Variants in RYK observed in about 807,000 individuals in gnomAD.
RYK encodes receptor like tyrosine kinase, also known as inactive tyrosine-protein kinase RYK.
RYK carries 21 observed loss-of-function variants against 70.2 expected under a neutral mutation model. The observed-to-expected ratio is 0.30, with a 90% CI of 0.21 to 0.43. The LOEUF (loss-of-function observed/expected upper bound fraction) is 0.43. Ranked by LOEUF, RYK falls within the 20% of genes least tolerant of loss-of-function variation. The pLI, the probability that RYK is intolerant of heterozygous loss-of-function variation, is 1.00. For missense variants in RYK, 604 were observed against 753.3 expected, an observed-to-expected ratio of 0.80 and a Z score of 2.32; for synonymous variants, 267 against 278.0, an observed-to-expected ratio of 0.96 and a Z score of 0.39.
chr3:134,221,815 C>T (rs2014747045), intron 2 of RYK, among the ~76,000 whole-genome samples: 2 of 152,122 alleles, frequency 1.3e-5, no homozygotes, highest in Admixed American at 1.3e-4. Flanking sequence ...GCTCAGCCTC[C>T]GACTCTTTGA....
At chr3:134,211,487 T>C (rs771027624) in intron 3 of RYK, 21 bp downstream of exon 3, 1 of 1,560,026 alleles carries the variant, frequency 6.4e-7, no homozygotes, top group South Asian at 1.1e-5. Context: ...GTTAACTCTG[T>C]CTTTGAAGAC....
At chr3:134,227,288 G>C (rs1011885340) in intron 1 of RYK, among the ~76,000 whole-genome samples, 1 of 152,062 alleles carries the variant, frequency 6.6e-6, no homozygotes, top group African/African-American at 2.4e-5. Flanking sequence ...TTAAAAAGTG[G>C]AGAGACATAC....
rs568431502 is a variant in RYK, at chr3:134,225,596, G to A, written c.233-3057C>T. Among the ~76,000 whole-genome samples the A allele has an allele frequency of 1.2e-3, 190 of 152,284 alleles. 1 individual carries two copies. The highest frequency in any genetic ancestry group is 1.7e-3 in the Non-Finnish European group (118 of 68,018). On this transcript the variant is annotated intron_variant, in intron 1 of 14. Transcript: ENST00000623711. ...AACAGTTGGGCATGGTGTTACACCT[G>A]TAATCCCAGCTCTTTGGGAGGCTGA... is the stretch of plus-strand genomic sequence containing the variant.
At chr3:134,171,832 A>ACTCC (rs907857056) in intron 13 of RYK, among the ~76,000 whole-genome samples, 4 of 151,090 alleles carry the variant, frequency 2.6e-5, no homozygotes, top group African/African-American at 9.8e-5. Context: ...GTACCACTGC[A>ACTCC]CTCCCACCTG....
intron 1 of RYK, among the ~76,000 whole-genome samples, chr3:134,248,620 C>A (rs1259171400): frequency 1.3e-5 from 2 of 152,174 alleles, no homozygotes; most frequent in East Asian, 3.9e-4. Flanking sequence ...AGTTCAAGAC[C>A]AGCCTGACCA....
intron 2 of RYK, among the ~76,000 whole-genome samples, chr3:134,218,486 A>G (rs2014628062): frequency 6.6e-6 from 1 of 152,228 alleles, no homozygotes; most frequent in Non-Finnish European, 1.5e-5. Flanking sequence ...ACACAGCTGG[A>G]GAAGAGGTGA....
At chr3:134,205,803 T>G (rs986545281) in intron 5 of RYK, among the ~76,000 whole-genome samples, 1 of 152,162 alleles carries the variant, frequency 6.6e-6, no homozygotes, top group Non-Finnish European at 1.5e-5. Flanking sequence ...ATTGCCTATA[T>G]TGCCTCGTCT....
At position 134,183,032 on chromosome 3, in the gene RYK, T is replaced by C; in HGVS notation, c.1142A>G (p.Glu381Gly). Reference protein sequence around the residue: ...SEIQVTMMLTESCKLRGLHHR... With the variant: ...SEIQVTMMLTGSCKLRGLHHR... Reference sequence around the variant, plus strand: ...ATGAAGACCTCGCAGCTTACAACTTTCAGTGAGCATCATTGTCACCTGAAT... The same window carrying C: ...ATGAAGACCTCGCAGCTTACAACTTCCAGTGAGCATCATTGTCACCTGAAT... The change falls in exon 10 of 15, where the codon GAA (glutamate) becomes GGA (glycine). Residue 381 changes from glutamate (E) to glycine (G), a missense_variant. By Grantham distance (98) the Glu-to-Gly change is moderately conservative. This residue lies in a region of RYK where 466 missense variants were observed against 535.9 expected (regional missense o/e 0.87). Transcript: ENST00000623711. 1 of 1,592,130 alleles carries C rather than the reference T, an allele frequency of 6.3e-7. No individual in the cohort carries two copies. The highest frequency in any genetic ancestry group is 8.6e-7 in the Non-Finnish European group (1 of 1,167,998).
rs76600482 is a variant in RYK, at chr3:134,160,502, A to G, written c.1576-1129T>C. The stretch of plus-strand genomic sequence containing the variant: ...ATACACAGATTTTTTTAAAAGCCTT[A>G]TAATAGTGAACAATAGCTACATTTC... On this transcript the variant is annotated intron_variant, in intron 13 of 14. Coordinates refer to ENST00000623711, the MANE Select transcript of RYK (RefSeq NM_002958.4). Among the ~76,000 whole-genome samples the G allele has an allele frequency of 9.7e-3, 1,479 of 152,322 alleles. 23 individuals carry two copies. Among genetic ancestry groups the G allele is most frequent in the African/African-American group, 0.031 (1,308 of 41,570 alleles).
At chr3:134,216,985 G>A (rs1287666302) in intron 2 of RYK, among the ~76,000 whole-genome samples, 1 of 151,988 alleles carries the variant, frequency 6.6e-6, no homozygotes, top group Non-Finnish European at 1.5e-5. Flanking sequence ...AACTCAAAAT[G>A]CAATTAACAC....
intron 13 of RYK, among the ~76,000 whole-genome samples, chr3:134,167,575 A>G (rs1212218395): frequency 6.6e-6 from 1 of 152,252 alleles, no homozygotes; most frequent in East Asian, 1.9e-4. Context: ...AGCCATATGT[A>G]GAAAGGTGAA....
chr3:134,183,789 A>G (rs1404742041), intron 9 of RYK, among the ~76,000 whole-genome samples: 4 of 152,234 alleles, frequency 2.6e-5, no homozygotes, highest in Non-Finnish European at 5.9e-5. Context: ...CCACCAAAGT[A>G]CCCACTAACA....
intron 1 of RYK, among the ~76,000 whole-genome samples, chr3:134,245,004 C>T (rs1370879041): frequency 6.6e-6 from 1 of 152,152 alleles, no homozygotes. Flanking sequence ...TCAAATCTAC[C>T]AAAGCCTTGA....
At chr3:134,223,671 G>C (rs1465175530) in intron 1 of RYK, among the ~76,000 whole-genome samples, 1 of 151,606 alleles carries the variant, frequency 6.6e-6, no homozygotes, top group African/African-American at 2.4e-5. Flanking sequence ...GAAAGACTAA[G>C]AGCAGGGAGT....
chr3:134,178,796 T>A (rs1359007753), intron 10 of RYK: 1 of 152,192 alleles, frequency 6.6e-6, no homozygotes, highest in Non-Finnish European at 1.5e-5. Context: ...TAATAACACC[T>A]CCTCCACTGA....
At chr3:134,173,872 T>C (rs2108149645) in intron 13 of RYK, among the ~76,000 whole-genome samples, 1 of 152,338 alleles carries the variant, frequency 6.6e-6, no homozygotes. Flanking sequence ...ATATCAGTTT[T>C]TCAGTAAAGA....
chr3:134,163,119 G>A (rs906217700), intron 13 of RYK, among the ~76,000 whole-genome samples: 1 of 152,074 alleles, frequency 6.6e-6, no homozygotes, highest in Non-Finnish European at 1.5e-5. Flanking sequence ...TTTACCTAAG[G>A]TTTTCATATT....
chr3:134,173,216 G>T (rs1020464248), intron 13 of RYK, among the ~76,000 whole-genome samples: 1 of 151,850 alleles, frequency 6.6e-6, no homozygotes. Context: ...AGGAGGCGGA[G>T]GTTGCACTGA....
intron 1 of RYK, among the ~76,000 whole-genome samples, chr3:134,238,604 T>A (rs1259930643): frequency 1.3e-5 from 2 of 152,178 alleles, no homozygotes; most frequent in African/African-American, 4.8e-5. Context: ...AAGCCAGGAA[T>A]CTGCAGGCAC....
Sources: gnomAD v4.1 joint callset for allele counts (sites outside exome capture counted in the v4.1 genomes callset) on GRCh38, gnomAD v4.1.1 for gene constraint, gnomAD v4.1.1 regional missense constraint, MANE v1.5 for transcripts, NCBI Gene and HGNC (gene_info 2026-07-23, HGNC 2026-07-21) for gene names.